Variants in PKD1L3 observed in about 807,000 individuals in gnomAD.
The protein encoded by PKD1L3 is polycystin 1 like 3, transient receptor potential channel interacting.
In PKD1L3, 239 loss-of-function variants were observed where a neutral mutation model predicts 184.1. The observed-to-expected ratio is 1.30, with a 90% CI of 1.17 to 1.45. The LOEUF (loss-of-function observed/expected upper bound fraction) is 1.45. Among genes scored for constraint, PKD1L3 ranks in the 40% most tolerant of loss-of-function variants. The probability of loss-of-function intolerance (pLI) is 0.00; values close to 1 mark genes in which losing one functional copy is unlikely to be tolerated. For missense variants in PKD1L3, 2,660 were observed against 2,067.2 expected (o/e 1.29, Z -5.56); for synonymous variants, 996 against 778.8 (o/e 1.28, Z -4.64).
In PKD1L3 at chr16:71,989,275, C is replaced by T. The variant is rs754284639; in HGVS notation, c.585+1005G>A. On this transcript the variant is annotated intron_variant, in intron 4 of 29. Coordinates refer to ENST00000620267, the MANE Select transcript of PKD1L3 (RefSeq NM_181536.2). ...GTTCAAGTGATTCTCCTGCCTCAGC[C>T]TCCCAAGTAGCTGGGATTACAGGCG... is the stretch of plus-strand genomic sequence containing the variant. 1.5e-3 allele frequency among the ~76,000 whole-genome samples: 222 copies of T among 152,350 alleles called. 2 individuals are homozygous for T. The highest frequency in any genetic ancestry group is 2.9e-4 in the Non-Finnish European group (20 of 68,038).
At chr16:71,999,008 A>G (rs1240150289) in intron 1 of PKD1L3, among the ~76,000 whole-genome samples, 2 of 152,132 alleles carry the variant, frequency 1.3e-5, no homozygotes, top group Non-Finnish European at 2.9e-5. Context: ...GCGGTGGCTC[A>G]CGCCTGTAAT....
At chr16:71,950,458 T>C (rs1414069773) in intron 19 of PKD1L3, 148 bp from the exon 20 acceptor site, 7 of 664,192 alleles carry the variant, frequency 1.1e-5, no homozygotes, top group Non-Finnish European at 1.7e-5. Flanking sequence ...TTTGCAGTAC[T>C]ACCATCTTCT....
chr16:71,983,573 T>G (rs1040629400), intron 6 of PKD1L3, among the ~76,000 whole-genome samples: 1 of 151,656 alleles, frequency 6.6e-6, no homozygotes, highest in Non-Finnish European at 1.5e-5. Context: ...ACTTTCCAGA[T>G]TTAAAGGTAA....
chr16:72,000,066 G>C lies in PKD1L3; in HGVS notation c.-88C>G. 9.0e-7 allele frequency: 1 copy of C among 1,113,204 alleles called. No individual in the cohort carries two copies. 69.0% of individuals were successfully genotyped at this position (1,113,204 alleles called of 1,614,324 possible). ...ATATATTGGCGGGCTTGTCTTATTA[G>C]TATTATTCTTTTATGAATTGGGAAC... On this transcript the variant is annotated 5_prime_UTR_variant, in exon 1 of 30. Coordinates refer to ENST00000620267, the MANE Select transcript of PKD1L3 (RefSeq NM_181536.2).
At chr16:71,996,660 A>T (rs907750115) in intron 2 of PKD1L3, among the ~76,000 whole-genome samples, 13 of 152,096 alleles carry the variant, frequency 8.5e-5, no homozygotes, top group South Asian at 2.1e-4. Flanking sequence ...TCATGTTATC[A>T]TTTCAAGAAT....
chr16:71,981,933 T>G (rs1597361622), intron 7 of PKD1L3, 126 bp downstream of exon 7: 21 of 1,060,224 alleles, frequency 2.0e-5, no homozygotes, highest in East Asian at 1.4e-4. Context: ...GGCAGAGGAG[T>G]TTCTTCTGCA....
intron 23 of PKD1L3, among the ~76,000 whole-genome samples, 174 bp from the exon 24 acceptor site, chr16:71,943,198 C>A (rs9939404): frequency 0.047 from 7,073 of 151,984 alleles, 531 homozygotes; most frequent in African/African-American, 0.16. Context: ...CATTTCCTTC[C>A]CAGAATTATT....
chr16:71,931,262 C>T (rs977760879), intron 28 of PKD1L3: 2 of 152,118 alleles, frequency 1.3e-5, no homozygotes, highest in Admixed American at 1.3e-4. Context: ...GGCAAAGGCT[C>T]ATCCCCTAGT....
rs66523761 is a variant in PKD1L3, at chr16:71,983,659, C to CTTTTTTTTTT, written c.966+376_966+377insAAAAAAAAAA. Among the ~76,000 whole-genome samples the CTTTTTTTTTT allele has an allele frequency of 1.6e-3, 148 of 92,430 alleles. 36 individuals carry two copies. Among genetic ancestry groups the CTTTTTTTTTT allele is most frequent in the South Asian group, 3.4e-3 (8 of 2,370 alleles). The allele number at this position is 92,430 out of a possible 152,430, so 60.6% of individuals were successfully genotyped here. A position where few individuals can be genotyped will look rare whatever the true frequency, so the allele number is the denominator to read the frequency against. ...GCATAAGGCACAATCTCCAGATTCT[C>CTTTTTTTTTT]TTTCTTTTTTTTTTTTTTTTTTTTT... On this transcript the variant is annotated intron_variant, in intron 6 of 29. Coordinates refer to ENST00000620267, the MANE Select transcript of PKD1L3 (RefSeq NM_181536.2).
chr16:71,951,589 C>G lies in PKD1L3; in HGVS notation c.3165G>C (p.Gln1055His). ...SSHLEGQGCH[Q>H]QGERHWARVV... is the part of the protein sequence containing the mutation. ...CACGTGCCCAGTGGCGCTCTCCCTG[C>G]TGATGACAGCCTTGACCCTCCAAGT... is the stretch of plus-strand genomic sequence containing the variant. The change falls in exon 19 of 30, where the codon CAG becomes CAC. Residue 1055 changes from glutamine to histidine, a missense_variant. Gln to His is a conservative substitution (Grantham distance 24). Coordinates refer to ENST00000620267, the MANE Select transcript of PKD1L3 (RefSeq NM_181536.2). The G allele has an allele frequency of 6.4e-7, 1 of 1,551,300 alleles. No individual in the cohort carries two copies. The highest frequency in any genetic ancestry group is 2.0e-5 in the Admixed American group (1 of 50,856).
intron 7 of PKD1L3, among the ~76,000 whole-genome samples, chr16:71,980,463 A>T (rs1389825924): frequency 6.6e-6 from 1 of 152,100 alleles, no homozygotes; most frequent in East Asian, 1.9e-4. Flanking sequence ...CAGAGTATAT[A>T]ATTTAACGTT....
intron 1 of PKD1L3, among the ~76,000 whole-genome samples, chr16:71,998,874 C>T (rs2040876659): frequency 6.6e-6 from 1 of 152,128 alleles, no homozygotes; most frequent in Non-Finnish European, 1.5e-5. Flanking sequence ...TACCACAAGG[C>T]TTAGTATTAC....
intron 11 of PKD1L3, among the ~76,000 whole-genome samples, chr16:71,974,873 T>C (rs1166942969): frequency 6.6e-6 from 1 of 152,172 alleles, no homozygotes; most frequent in Non-Finnish European, 1.5e-5. Flanking sequence ...AGAAAGTTCT[T>C]TCCAGTATGG....
intron 19 of PKD1L3, among the ~76,000 whole-genome samples, chr16:71,951,285 C>T (rs1178074983): frequency 6.6e-6 from 1 of 151,914 alleles, no homozygotes; most frequent in Non-Finnish European, 1.5e-5. Context: ...GGTAATCTGC[C>T]CACCTCGGCC....
rs1365215321 is a variant in PKD1L3 at position 71,980,126 on chromosome 16, G to A, written c.1152C>T (p.Asp384=). The change falls in exon 8 of 30, where the codon GAC becomes GAT. Residue 384 remains aspartate, a synonymous_variant. Coordinates refer to ENST00000620267, the MANE Select transcript of PKD1L3 (RefSeq NM_181536.2). ...ESKRHTEPVE[D]ILEMSLVEFG... ...ACTCCACCAAGGACATTTCCAGGAT[G>A]TCTTCTACCTGCATGGAAAGGAAAA... The A allele has an allele frequency of 6.4e-7, 1 of 1,551,554 alleles. No individual in the cohort carries two copies. Among genetic ancestry groups the A allele is most frequent in the Non-Finnish European group, 8.7e-7 (1 of 1,146,856 alleles).
At chr16:71,963,998 G>A (rs2039392998) in intron 15 of PKD1L3, among the ~76,000 whole-genome samples, 1 of 152,062 alleles carries the variant, frequency 6.6e-6, no homozygotes, top group African/African-American at 2.4e-5. Flanking sequence ...GCATAAATGG[G>A]TTGTAGTCTT....
intron 21 of PKD1L3, among the ~76,000 whole-genome samples, chr16:71,948,281 C>T (rs374487481): frequency 5.6e-4 from 86 of 152,238 alleles, no homozygotes; most frequent in African/African-American, 1.8e-3. Context: ...CACGGTTTCG[C>T]CATGTTGGCC....
At chr16:71,971,423 T>C (rs1197434835) in intron 12 of PKD1L3, among the ~76,000 whole-genome samples, 1 of 152,226 alleles carries the variant, frequency 6.6e-6, no homozygotes, top group Non-Finnish European at 1.5e-5. Flanking sequence ...TGACTACTTC[T>C]TTCCATGGCA....
chr16:71,996,760 A>G (rs1403595180), intron 2 of PKD1L3, among the ~76,000 whole-genome samples: 3 of 152,066 alleles, frequency 2.0e-5, no homozygotes, highest in African/African-American at 4.8e-5. Flanking sequence ...GTGTGTATCA[A>G]TAGTTTGTTT....
Sources: allele counts gnomAD v4.1 joint callset (sites outside exome capture counted in the v4.1 genomes callset), GRCh38; gene constraint gnomAD v4.1.1; transcripts MANE v1.5; gene names NCBI Gene and HGNC (gene_info 2026-07-23, HGNC 2026-07-21).